The following MLLT3 variants were observed in gnomAD, a reference collection of about 807,000 sequenced individuals.
MLLT3 encodes MLLT3 super elongation complex subunit.
A neutral mutation model predicts 53.2 loss-of-function variants in MLLT3; 4 were observed. The ratio of observed to expected loss-of-function variants is 0.08; its 90% CI spans 0.04 to 0.17. The LOEUF is 0.17. MLLT3 is among the 10% of genes least tolerant of loss of function. The probability of loss-of-function intolerance (pLI) is 1.00; values close to 1 mark genes in which losing one functional copy is unlikely to be tolerated. For missense variants in MLLT3, 569 were observed against 684.0 expected, an observed-to-expected ratio of 0.83 and a Z score of 1.87; for synonymous variants, 283 against 230.6, an observed-to-expected ratio of 1.23 and a Z score of -2.06.
At chr9:20,440,706 C>G (rs1396680861) in intron 4 of MLLT3, among the ~76,000 whole-genome samples, 2 of 152,090 alleles carry the variant, frequency 1.3e-5, no homozygotes, top group Admixed American at 6.5e-5. Context: ...AATAGAGAAA[C>G]AGAATCAACA....
At chr9:20,534,916 TAAAAA>T (rs1271681046) in intron 2 of MLLT3, among the ~76,000 whole-genome samples, 1 of 151,518 alleles carries the variant, frequency 6.6e-6, no homozygotes, top group Non-Finnish European at 1.5e-5. Flanking sequence ...TAAAATAAAA[TAAAAA>T]GAAGAAAATT....
chr9:20,564,706 C>T (rs1042671904), intron 2 of MLLT3, among the ~76,000 whole-genome samples: 3 of 152,170 alleles, frequency 2.0e-5, no homozygotes, highest in African/African-American at 2.4e-5. Context: ...CAATTAGTTC[C>T]GCAACTATGG....
chr9:20,605,867 C>A (rs1432341294), intron 2 of MLLT3, among the ~76,000 whole-genome samples: 1 of 151,992 alleles, frequency 6.6e-6, no homozygotes, highest in Non-Finnish European at 1.5e-5. Context: ...CATTTGAAGA[C>A]AATTACTAAG....
intron 2 of MLLT3, among the ~76,000 whole-genome samples, chr9:20,573,207 G>A (rs899024273): frequency 1.4e-5 from 2 of 138,582 alleles, no homozygotes; most frequent in Admixed American, 1.5e-4. Context: ...TTTTGAGACA[G>A]TCTCACTTGG....
intron 2 of MLLT3, among the ~76,000 whole-genome samples, chr9:20,585,682 C>T (rs73434557): frequency 0.025 from 3,791 of 152,278 alleles, 177 homozygotes; most frequent in African/African-American, 0.085. Flanking sequence ...CTTTTCATCA[C>T]TTATTTGCCA....
chr9:20,556,411 G>A (rs777707676), intron 2 of MLLT3, among the ~76,000 whole-genome samples: 51 of 152,068 alleles, frequency 3.4e-4, no homozygotes, highest in Non-Finnish European at 6.6e-4. Flanking sequence ...AAGGCCAGGC[G>A]CAGTGGCTCA....
chr9:20,426,025 C>T (rs1181318934), intron 4 of MLLT3, among the ~76,000 whole-genome samples: 1 of 151,902 alleles, frequency 6.6e-6, no homozygotes, highest in African/African-American at 2.4e-5. Context: ...CCTCAAATGA[C>T]TATGACTTGT....
At chr9:20,504,667 G>A (rs774006936) in intron 2 of MLLT3, among the ~76,000 whole-genome samples, 2 of 152,022 alleles carry the variant, frequency 1.3e-5, no homozygotes, top group African/African-American at 2.4e-5. Flanking sequence ...GAGATTTATT[G>A]TACAATATGG....
chr9:20,510,496 C>A (rs1235854650), intron 2 of MLLT3, among the ~76,000 whole-genome samples: 1 of 151,646 alleles, frequency 6.6e-6, no homozygotes, highest in East Asian at 1.9e-4. Context: ...CCTCTAATCC[C>A]AGCTACTCAG....
At position 20,591,941 on chromosome 9, in the gene MLLT3, C is replaced by T. The variant is rs1211213640; in HGVS notation, c.193+28713G>A. Among the ~76,000 whole-genome samples the T allele has an allele frequency of 2.6e-5, 4 of 152,114 alleles. No homozygotes were observed. The East Asian group carries it at 5.8e-4, about 22-fold the overall frequency. On this transcript the variant is annotated intron_variant, in intron 2 of 10. Coordinates refer to ENST00000380338, the MANE Select transcript of MLLT3 (RefSeq NM_004529.4). ...TCAGGAGGCTGAGGTGGGAAGATCGCTTGAGCCCAGGAGTTCAAGTCCAGC... is the reference window on the plus strand; with the variant it reads ...TCAGGAGGCTGAGGTGGGAAGATCGTTTGAGCCCAGGAGTTCAAGTCCAGC...
intron 2 of MLLT3, among the ~76,000 whole-genome samples, chr9:20,574,812 G>T (rs1396419102): frequency 6.6e-6 from 1 of 152,162 alleles, no homozygotes; most frequent in Non-Finnish European, 1.5e-5. Flanking sequence ...AGATTTCTCT[G>T]TAGCATGTGA....
At chr9:20,441,357 T>C (rs1325751951) in intron 4 of MLLT3, among the ~76,000 whole-genome samples, 2 of 152,168 alleles carry the variant, frequency 1.3e-5, no homozygotes, top group African/African-American at 2.4e-5. Flanking sequence ...ATAAATAACT[T>C]TGTACTGTCA....
chr9:20,349,874 G>C (rs920014917), intron 10 of MLLT3, among the ~76,000 whole-genome samples: 2 of 152,160 alleles, frequency 1.3e-5, no homozygotes, highest in Non-Finnish European at 2.9e-5. Flanking sequence ...GTTTTTATGA[G>C]AGCCCACAAG....
intron 3 of MLLT3, among the ~76,000 whole-genome samples, chr9:20,449,688 C>T (rs1823792628): frequency 6.6e-6 from 1 of 152,174 alleles, no homozygotes; most frequent in South Asian, 2.1e-4. Context: ...CACCTCCTCA[C>T]CAAACTTCCC....
chr9:20,472,920 A>T (rs1364730189), intron 2 of MLLT3, among the ~76,000 whole-genome samples: 1 of 151,774 alleles, frequency 6.6e-6, no homozygotes, highest in Non-Finnish European at 1.5e-5. Flanking sequence ...AAAAAAAAAA[A>T]GAAAAGAAAG....
rs145378538 is a variant in MLLT3 at position 20,386,362 on chromosome 9, C to A, written c.1126-20618G>T. Among the ~76,000 whole-genome samples the A allele has an allele frequency of 2.3e-3, 349 of 152,220 alleles. 2 individuals are homozygous for A. The highest frequency in any genetic ancestry group is 8.1e-3 in the African/African-American group (337 of 41,542). On this transcript the variant is annotated intron_variant, in intron 5 of 10. Transcript: ENST00000380338. ...TCATTCATTCAAATACCTCTCTGGT[C>A]AGCAGTCCCAAGCCTACTACCTCAG...
chr9:20,576,665 C>A (rs1357029393), intron 2 of MLLT3, among the ~76,000 whole-genome samples: 1 of 152,008 alleles, frequency 6.6e-6, no homozygotes, highest in Admixed American at 6.6e-5. Flanking sequence ...AAAACAATTA[C>A]AATAGTAACA....
rs1420846765 is a variant in MLLT3 at position 20,342,479 on chromosome 9, C to G, written c.*3964G>C. On this transcript the variant is annotated 3_prime_UTR_variant, in exon 11 of 11. Coordinates refer to ENST00000380338, the MANE Select transcript of MLLT3 (RefSeq NM_004529.4). ...TTTATTTTTGCACTGCATGGTAGCTCTGGCCACCATTAAGGATCTGTCAGC... is the reference window on the plus strand; with the variant it reads ...TTTATTTTTGCACTGCATGGTAGCTGTGGCCACCATTAAGGATCTGTCAGC... The G allele has an allele frequency of 4.5e-6, 1 of 222,514 alleles. No homozygotes were observed. The highest frequency in any genetic ancestry group is 5.7e-5 in the Admixed American group (1 of 17,416). 13.8% of individuals were successfully genotyped at this position (222,514 alleles called of 1,614,324 possible). A position where few individuals can be genotyped will look rare whatever the true frequency, so the allele number is the denominator to read the frequency against.
intron 10 of MLLT3, among the ~76,000 whole-genome samples, chr9:20,350,362 A>C (rs191616201): frequency 1.3e-5 from 2 of 152,090 alleles, no homozygotes; most frequent in Non-Finnish European, 2.9e-5. Context: ...TTGGGAGGCC[A>C]AGGCGGGCGG....
Sources: allele counts gnomAD v4.1 joint callset (sites outside exome capture counted in the v4.1 genomes callset), GRCh38; gene constraint gnomAD v4.1.1; transcripts MANE v1.5; gene names NCBI Gene and HGNC (gene_info 2026-07-23, HGNC 2026-07-21).